ZNF641: variants seen among roughly 807,000 people sequenced by gnomAD.
The protein encoded by ZNF641 is zinc finger protein 641.
In ZNF641, 26 loss-of-function variants were observed where a neutral mutation model predicts 46.2. That is an observed-to-expected ratio of 0.56 (90% confidence interval 0.41 to 0.78). ZNF641 has a LOEUF of 0.78. ZNF641 is among the 30% of genes least tolerant of loss of function. ZNF641 has a pLI of 0.00. For missense variants in ZNF641, 469 were observed against 517.8 expected, an observed-to-expected ratio of 0.91 and a Z score of 0.91; for synonymous variants, 163 against 187.9, an observed-to-expected ratio of 0.87 and a Z score of 1.09.
chr12:48,350,636 G>A, intron 1 of ZNF641, 150 bp downstream of exon 1: 1 of 178,342 alleles, frequency 5.6e-6, no homozygotes, highest in Non-Finnish European at 1.1e-5. Flanking sequence ...CAGAATGTCA[G>A]CGGGGCAGAC....
chr12:48,350,220 T>C (rs975279084), intron 1 of ZNF641: 2 of 1,483,402 alleles, frequency 1.3e-6, no homozygotes, highest in South Asian at 2.7e-5. Flanking sequence ...GCAAGGGACC[T>C]GCAAAAGGAA....
At chr12:48,350,268 A>C in intron 1 of ZNF641, 1 of 1,420,868 alleles carries the variant, frequency 7.0e-7, no homozygotes. Context: ...AAAAGGGGCC[A>C]TGTTATAAAA....
chr12:48,340,809 G>C lies in ZNF641; in HGVS notation c.*2164C>G, dbSNP rs1565986221. The C allele has an allele frequency of 1.0e-6, 1 of 985,420 alleles. No individual in the cohort carries two copies. The highest frequency in any genetic ancestry group is 1.2e-6 in the Non-Finnish European group (1 of 829,892). The allele number at this position is 985,420 out of a possible 1,614,324, so 61.0% of individuals were successfully genotyped here. A position where few individuals can be genotyped will look rare whatever the true frequency, so the allele number is the denominator to read the frequency against. ...CTTATGCAGAGCTTTTAGTATTAAA[G>C]AGGGAGAGTAAAAGAAATGTCAGAG... is the stretch of plus-strand genomic sequence containing the variant. On this transcript the variant is annotated 3_prime_UTR_variant, in exon 6 of 6. Transcript: ENST00000547026.
chr12:48,350,558 A>T (rs1953004060), intron 1 of ZNF641: 1 of 162,514 alleles, frequency 6.2e-6, no homozygotes, highest in South Asian at 1.7e-4. Context: ...TGCGCGAGTG[A>T]CAGCGGCGGG....
chr12:48,348,237 G>C (rs1952935362), intron 1 of ZNF641, 122 bp from the exon 2 acceptor site: 1 of 971,796 alleles, frequency 1.0e-6, no homozygotes. Context: ...CTTGCTGGAA[G>C]ATGAACTTTA....
chr12:48,337,012 G>T (rs1333342198), downstream of ZNF641, among the ~76,000 whole-genome samples: 2 of 152,198 alleles, frequency 1.3e-5, no homozygotes. Context: ...GAGGGAGGTG[G>T]CGAGGCCCAA....
intron 5 of ZNF641, 107 bp downstream of exon 5, chr12:48,344,492 C>T (rs1381392991): frequency 1.5e-6 from 1 of 669,766 alleles, no homozygotes; most frequent in Admixed American, 3.4e-5. Flanking sequence ...ATCTCTAAAC[C>T]TTTTGTCTCT....
At position 48,342,094 on chromosome 12, in the gene ZNF641, A is replaced by G. The variant is rs1323406298; in HGVS notation, c.*879T>C. The G allele has an allele frequency of 1.0e-6, 1 of 985,296 alleles. No homozygotes were observed. Among genetic ancestry groups the G allele is most frequent in the Admixed American group, 6.2e-5 (1 of 16,254 alleles). 61.0% of individuals were successfully genotyped at this position (985,296 alleles called of 1,614,324 possible). A position where few individuals can be genotyped will look rare whatever the true frequency, so the allele number is the denominator to read the frequency against. On this transcript the variant is annotated 3_prime_UTR_variant, in exon 6 of 6. Coordinates refer to ENST00000547026, the MANE Select transcript of ZNF641 (RefSeq NM_001172681.2). ...AAAGACAGTCAAGAGGAGAGAGGGG[A>G]CTGTTCAAGGGGATAAAGTTTTTTT... is the stretch of plus-strand genomic sequence containing the variant.
At position 48,340,075 on chromosome 12, in the gene ZNF641, CAT is replaced by C. The variant is rs113024293; in HGVS notation, c.*2896_*2897del. 325 of 985,416 alleles carry C rather than the reference CAT, an allele frequency of 3.3e-4. 1 individual carries two copies. In the East Asian group the frequency reaches 4.0e-3, roughly 12 times the overall value. 61.0% of individuals were successfully genotyped at this position (985,416 alleles called of 1,614,324 possible). A position where few individuals can be genotyped will look rare whatever the true frequency, so the allele number is the denominator to read the frequency against. Reference sequence around the variant, plus strand: ...TAAAGGGGACGGGGTGAAACATGAACATTTGAGGCTGATTCCCTGTGGGAAAA... The same window carrying C: ...TAAAGGGGACGGGGTGAAACATGAACTTGAGGCTGATTCCCTGTGGGAAAA... On this transcript the variant is annotated 3_prime_UTR_variant, in exon 6 of 6. Coordinates refer to ENST00000547026, the MANE Select transcript of ZNF641 (RefSeq NM_001172681.2).
Position 48,340,601 on chromosome 12 carries a change from AC to A in ZNF641, c.*2371del, listed in dbSNP as rs1055023606. 1.0e-6 allele frequency: 1 copy of A among 985,298 alleles called. No homozygotes were observed. The highest frequency in any genetic ancestry group is 1.7e-5 in the African/African-American group (1 of 57,222). 61.0% of individuals were successfully genotyped at this position (985,298 alleles called of 1,614,324 possible). On this transcript the variant is annotated 3_prime_UTR_variant, in exon 6 of 6. Transcript: ENST00000547026. ...TAATTCTTGACACAAATATATAATG[AC>A]CATTTTAGATCGGGGAACTCCCTTT...
At chr12:48,347,617 A>G (rs1565994529) in intron 2 of ZNF641, among the ~76,000 whole-genome samples, 1 of 152,262 alleles carries the variant, frequency 6.6e-6, no homozygotes, top group East Asian at 1.9e-4. Flanking sequence ...GGGTTATCCA[A>G]CAGTAATCAG....
At chr12:48,348,931 G>A (rs536375249) in intron 1 of ZNF641, among the ~76,000 whole-genome samples, 1 of 152,336 alleles carries the variant, frequency 6.6e-6, no homozygotes, top group East Asian at 1.9e-4. Context: ...TCAGGCACCA[G>A]TCAGATCTCA....
Position 48,340,468 on chromosome 12 carries a change from G to A in ZNF641, c.*2505C>T, listed in dbSNP as rs1952693281. 1.0e-6 allele frequency: 1 copy of A among 985,314 alleles called. No individual in the cohort carries two copies. Among genetic ancestry groups the A allele is most frequent in the African/African-American group, 1.7e-5 (1 of 57,232 alleles). The allele number at this position is 985,314 out of a possible 1,614,324, so 61.0% of individuals were successfully genotyped here. A position where few individuals can be genotyped will look rare whatever the true frequency, so the allele number is the denominator to read the frequency against. On this transcript the variant is annotated 3_prime_UTR_variant, in exon 6 of 6. Coordinates refer to ENST00000547026, the MANE Select transcript of ZNF641 (RefSeq NM_001172681.2). Reference sequence around the variant, plus strand: ...GTCAGATCTTTTTGAAAACCAGAGAGTAGAATGTAAGCAATACCCTTGTCG... The same window carrying A: ...GTCAGATCTTTTTGAAAACCAGAGAATAGAATGTAAGCAATACCCTTGTCG...
downstream of ZNF641, among the ~76,000 whole-genome samples, chr12:48,336,557 C>T (rs1476047416): frequency 6.6e-6 from 1 of 152,176 alleles, no homozygotes; most frequent in African/African-American, 2.4e-5. Context: ...ACAGGCCCTT[C>T]CTGTCCAAGA....
chr12:48,348,470 G>GT (rs2136188829), intron 1 of ZNF641, among the ~76,000 whole-genome samples: 1 of 152,312 alleles, frequency 6.6e-6, no homozygotes, highest in East Asian at 1.9e-4. Context: ...GTACAGGAAA[G>GT]TAAGCAATTT....
chr12:48,342,642 C>T lies in ZNF641; in HGVS notation c.*331G>A. On this transcript the variant is annotated 3_prime_UTR_variant, in exon 6 of 6. Transcript: ENST00000547026. ...CAAGAGTGATACTCAAAATGTTTAA[C>T]AACTGGTATAGCATAGACTCCAACC... is the stretch of plus-strand genomic sequence containing the variant. 1 of 495,768 alleles carries T rather than the reference C, an allele frequency of 2.0e-6. No individual in the cohort carries two copies. Among genetic ancestry groups the T allele is most frequent in the Non-Finnish European group, 2.9e-6 (1 of 350,542 alleles). 30.7% of individuals were successfully genotyped at this position (495,768 alleles called of 1,614,324 possible).
intron 2 of ZNF641, 104 bp downstream of exon 2, chr12:48,347,803 T>G: frequency 9.1e-7 from 1 of 1,099,446 alleles, no homozygotes; most frequent in Non-Finnish European, 1.3e-6. Flanking sequence ...TGGTACAGGT[T>G]ATGCTATTTA....
chr12:48,345,762 A>G (rs1952854311), intron 3 of ZNF641, among the ~76,000 whole-genome samples: 1 of 152,188 alleles, frequency 6.6e-6, no homozygotes, highest in South Asian at 2.1e-4. Context: ...GTTTAGCTAC[A>G]GGTGTCTACT....
chr12:48,350,309 G>T, intron 1 of ZNF641: 1 of 1,246,720 alleles, frequency 8.0e-7, no homozygotes. Context: ...CGGACGAGTT[G>T]GCTCCGTCCA....
Sources: gnomAD v4.1 joint callset for allele counts (sites outside exome capture counted in the v4.1 genomes callset) on GRCh38, gnomAD v4.1.1 for gene constraint, MANE v1.5 for transcripts, NCBI Gene and HGNC (gene_info 2026-07-23, HGNC 2026-07-21) for gene names.